The following ABCB1 variants were observed in gnomAD, a reference collection of about 807,000 sequenced individuals.
ABCB1 encodes ATP binding cassette subfamily B member 1, also known as ATP-dependent translocase ABCB1.
ABCB1 carries 69 observed loss-of-function variants against 142.0 expected under a neutral mutation model. The observed-to-expected ratio is 0.49, with a 90% CI of 0.40 to 0.59. The LOEUF is 0.59. ABCB1 is among the 20% of genes least tolerant of loss of function. ABCB1 has a pLI of 0.00. For synonymous variants in ABCB1, 532 were observed against 539.2 expected (o/e 0.99, Z 0.18); for missense variants, 1,326 against 1,554.7 (o/e 0.85, Z 2.47).
chr7:87,573,732 T>G (rs1169542854), intron 4 of ABCB1, among the ~76,000 whole-genome samples: 2 of 152,164 alleles, frequency 1.3e-5, no homozygotes, highest in African/African-American at 4.8e-5. Context: ...GAAAATATGT[T>G]TAAAGTACCA....
At chr7:87,513,025 T>C (rs1363868314) in intron 25 of ABCB1, among the ~76,000 whole-genome samples, 8 of 152,216 alleles carry the variant, frequency 5.3e-5, no homozygotes, top group African/African-American at 1.9e-4. Context: ...ATGCACAGTG[T>C]AAAATCTGGG....
Position 87,505,219 on chromosome 7 carries a change from C to T in ABCB1, c.3636+678G>A, listed in dbSNP as rs10274623. 4.9e-3 allele frequency among the ~76,000 whole-genome samples: 743 copies of T among 152,236 alleles called. 5 individuals carry two copies. Among genetic ancestry groups the T allele is most frequent in the East Asian group, 8.9e-3 (46 of 5,182 alleles). On this transcript the variant is annotated intron_variant, in intron 27 of 27. Coordinates refer to ENST00000622132, the MANE Select transcript of ABCB1 (RefSeq NM_001348946.2). ...GGCTCAAGTGATCCTCCCACCTCAG[C>T]CTTCCAAAGTGTTGGGGTTACAGGT...
chr7:87,530,897 G>A (rs1248546164), intron 21 of ABCB1, among the ~76,000 whole-genome samples: 1 of 148,310 alleles, frequency 6.7e-6, no homozygotes, highest in East Asian at 2.0e-4. Flanking sequence ...AGAAAAGAAG[G>A]AAGAAGGGAA....
At chr7:87,517,152 C>T (rs536064707) in intron 23 of ABCB1, among the ~76,000 whole-genome samples, 3 of 152,270 alleles carry the variant, frequency 2.0e-5, no homozygotes, top group Admixed American at 2.0e-4. Context: ...AGATTGATTG[C>T]AAAATGGCCC....
chr7:87,552,698 A>G (rs1242438085), intron 9 of ABCB1, among the ~76,000 whole-genome samples: 2 of 138,738 alleles, frequency 1.4e-5, no homozygotes, highest in African/African-American at 2.8e-5. Context: ...GCAATGTTGG[A>G]TAAGGCAAAT....
At chr7:87,539,766 C>G (rs1816451181) in intron 18 of ABCB1, among the ~76,000 whole-genome samples, 1 of 152,186 alleles carries the variant, frequency 6.6e-6, no homozygotes, top group Non-Finnish European at 1.5e-5. Context: ...GGTCCTATAA[C>G]TCATAGACTT....
intron 1 of ABCB1, among the ~76,000 whole-genome samples, chr7:87,660,939 A>G (rs962549876): frequency 6.6e-6 from 1 of 151,976 alleles, no homozygotes; most frequent in African/African-American, 2.4e-5. Context: ...GATTTTGTTG[A>G]AATTTGTAAG....
At position 87,565,790 on chromosome 7, in the gene ABCB1, C is replaced by T. The variant is rs1202170; in HGVS notation, c.702+280G>A. ...TTTTGTTTTTGTTTTTGTTTGTTTA[C>T]TTGCTCGTTTTCTTACAAAGGCAGA... On this transcript the variant is annotated intron_variant, in intron 7 of 27. Coordinates refer to ENST00000622132, the MANE Select transcript of ABCB1 (RefSeq NM_001348946.2). Among the ~76,000 whole-genome samples the T allele has an allele frequency of 0.53, 80,193 of 150,880 alleles. 21,340 individuals are homozygous for T. Among genetic ancestry groups the T allele is most frequent in the East Asian group, 0.64 (3,278 of 5,140 alleles).
At position 87,544,171 on chromosome 7, in the gene ABCB1, GC is replaced by G. The variant is rs1399750644; in HGVS notation, c.2168del (p.Gly723AlafsTer8). On this transcript the variant is annotated frameshift_variant, in exon 17 of 28. Transcript: ENST00000622132. LOFTEE classifies it high-confidence loss of function. ...VGVFCAIING[G>X]LQPAFAIIFS... is the part of the protein sequence containing the mutation. Reference sequence around the variant, plus strand: ...ATATTATTGCAAATGCTGGTTGCAGGCCTCCATTTATAATGGCACAAAATAC... The same window carrying G: ...ATATTATTGCAAATGCTGGTTGCAGGCTCCATTTATAATGGCACAAAATAC... 6.2e-7 allele frequency: 1 copy of G among 1,613,838 alleles called. No homozygotes were observed. The highest frequency in any genetic ancestry group is 8.5e-7 in the Non-Finnish European group (1 of 1,179,872).
At chr7:87,614,851 TG>T (rs997886027) in intron 1 of ABCB1, among the ~76,000 whole-genome samples, 7 of 150,332 alleles carry the variant, frequency 4.7e-5, no homozygotes, top group East Asian at 4.0e-4. Flanking sequence ...TTTTTTTTGG[TG>T]GGGGGGGCCG....
At chr7:87,643,501 A>G (rs1822658852) in intron 1 of ABCB1, among the ~76,000 whole-genome samples, 1 of 152,140 alleles carries the variant, frequency 6.6e-6, no homozygotes, top group Non-Finnish European at 1.5e-5. Context: ...GAAAATACAC[A>G]TGATGTTTGA....
intron 21 of ABCB1, among the ~76,000 whole-genome samples, chr7:87,527,332 A>T (rs1416759349): frequency 6.6e-6 from 1 of 152,208 alleles, no homozygotes; most frequent in Non-Finnish European, 1.5e-5. Context: ...TCAATATGAG[A>T]TAAATGTATT....
rs1819902016 is a variant in ABCB1 at position 87,612,891 on chromosome 7, G to A, written c.-330-11813C>T. 2.0e-5 allele frequency among the ~76,000 whole-genome samples: 3 copies of A among 152,020 alleles called. No individual in the cohort carries two copies. The South Asian group carries it at 6.2e-4, about 32-fold the overall frequency. ...CACAGTATTGATTTTTCTAATCTGT[G>A]AGCATGGGATGTATTTCCATTTGTT... is the stretch of plus-strand genomic sequence containing the variant. On this transcript the variant is annotated intron_variant, in intron 1 of 28. Transcript: ENST00000265724.
At chr7:87,614,852 G>C (rs755262515) in intron 1 of ABCB1, among the ~76,000 whole-genome samples, 7 of 149,798 alleles carry the variant, frequency 4.7e-5, no homozygotes, top group South Asian at 2.1e-4. Context: ...TTTTTTTGGT[G>C]GGGGGGGCCG....
At chr7:87,709,596 C>T (rs1481964226) in intron 1 of ABCB1, 1 of 805,784 alleles carries the variant, frequency 1.2e-6, no homozygotes, top group Non-Finnish European at 1.5e-6. Flanking sequence ...CAGGTTTTAA[C>T]TACTGCCTAT....
At chr7:87,602,488 T>A (rs1819499763), upstream of ABCB1, among the ~76,000 whole-genome samples, 1 of 152,104 alleles carries the variant, frequency 6.6e-6, no homozygotes, top group Non-Finnish European at 1.5e-5. Flanking sequence ...TTAATCTTAT[T>A]TGTGCCTATG....
chr7:87,512,610 A>C (rs1815064184), intron 25 of ABCB1, among the ~76,000 whole-genome samples: 1 of 152,162 alleles, frequency 6.6e-6, no homozygotes, highest in Non-Finnish European at 1.5e-5. Context: ...TTATGCTCAA[A>C]TCCACAGACT....
intron 1 of ABCB1, among the ~76,000 whole-genome samples, chr7:87,673,725 A>G (rs1826053550): frequency 6.6e-6 from 1 of 152,194 alleles, no homozygotes; most frequent in Non-Finnish European, 1.5e-5. Flanking sequence ...CAGCCATTTC[A>G]GCATGGTTAA....
At chr7:87,659,292 T>C (rs1824454531) in intron 1 of ABCB1, 2 of 375,884 alleles carry the variant, frequency 5.3e-6, no homozygotes. Context: ...TCTTGGTTTC[T>C]CTGTTTTCTT....
Sources: gnomAD v4.1 joint callset for allele counts (sites outside exome capture counted in the v4.1 genomes callset) on GRCh38, gnomAD v4.1.1 for gene constraint, MANE v1.5 for transcripts, NCBI Gene and HGNC (gene_info 2026-07-23, HGNC 2026-07-21) for gene names.